The following UTRN variants were observed in gnomAD, a reference collection of about 807,000 sequenced individuals.
UTRN encodes the protein dystrophin-related protein 1.
In UTRN, 283 loss-of-function variants were observed where a neutral mutation model predicts 463.9. The ratio of observed to expected loss-of-function variants is 0.61; its 90% CI spans 0.55 to 0.67. UTRN has a LOEUF of 0.67. Ranked by LOEUF, UTRN falls within the 30% of genes least tolerant of loss-of-function variation. The pLI, the probability that UTRN is intolerant of heterozygous loss-of-function variation, is 0.00. For missense variants in UTRN, 3,922 were observed against 4,084.3 expected, an observed-to-expected ratio of 0.96 and a Z score of 1.08; for synonymous variants, 1,442 against 1,431.5, an observed-to-expected ratio of 1.01 and a Z score of -0.17.
At chr6:144,500,371 T>C (rs912355492) in intron 34 of UTRN, among the ~76,000 whole-genome samples, 2 of 152,222 alleles carry the variant, frequency 1.3e-5, no homozygotes, top group African/African-American at 4.8e-5. Context: ...GTTAGTGATG[T>C]TGAGCATTTT....
intron 58 of UTRN, among the ~76,000 whole-genome samples, chr6:144,760,766 A>C (rs961763823): frequency 6.6e-6 from 1 of 152,230 alleles, no homozygotes; most frequent in Admixed American, 6.5e-5. Context: ...CATGATTGCC[A>C]TGCAATGAGA....
intron 7 of UTRN, among the ~76,000 whole-genome samples, chr6:144,427,353 T>A (rs1252764179): frequency 1.3e-5 from 2 of 152,200 alleles, no homozygotes; most frequent in East Asian, 3.8e-4. Context: ...TCCTCTATGT[T>A]TTTTTGCTGG....
At chr6:144,494,466 C>A (rs540128385) in intron 33 of UTRN, among the ~76,000 whole-genome samples, 1 of 152,152 alleles carries the variant, frequency 6.6e-6, no homozygotes, top group Non-Finnish European at 1.5e-5. Flanking sequence ...AAAGAGTGAG[C>A]AGTAGCAAGA....
intron 2 of UTRN, among the ~76,000 whole-genome samples, chr6:144,300,149 G>T (rs1169736046): frequency 6.6e-6 from 1 of 151,364 alleles, no homozygotes. Context: ...GAGTGCAGTG[G>T]TGCCATCTCA....
At chr6:144,740,582 T>C (rs1316117292) in intron 54 of UTRN, among the ~76,000 whole-genome samples, 1 of 152,224 alleles carries the variant, frequency 6.6e-6, no homozygotes, top group East Asian at 1.9e-4. Context: ...CAGAAAAATA[T>C]AATGTTACTT....
At chr6:144,306,331 C>T (rs1805734238) in intron 2 of UTRN, among the ~76,000 whole-genome samples, 1 of 152,016 alleles carries the variant, frequency 6.6e-6, no homozygotes, top group Admixed American at 6.6e-5. Flanking sequence ...TCTGGAGGAC[C>T]TTTGGGTGGC....
At chr6:144,812,032 A>G (rs1586672458) in intron 65 of UTRN, among the ~76,000 whole-genome samples, 1 of 152,182 alleles carries the variant, frequency 6.6e-6, no homozygotes, top group Non-Finnish European at 1.5e-5. Flanking sequence ...GTAATTAACA[A>G]TTTAAATCCA....
chr6:144,585,153 A>T (rs1266119827), intron 51 of UTRN, among the ~76,000 whole-genome samples: 1 of 152,128 alleles, frequency 6.6e-6, no homozygotes, highest in Non-Finnish European at 1.5e-5. Flanking sequence ...TTCTACCGCA[A>T]ATAGGCACAA....
At chr6:144,379,327 G>A (rs1363553405) in intron 2 of UTRN, among the ~76,000 whole-genome samples, 1 of 152,140 alleles carries the variant, frequency 6.6e-6, no homozygotes, top group South Asian at 2.1e-4. Flanking sequence ...CCAGTCCAGG[G>A]TCTGTCATGA....
At chr6:144,288,843 A>C (rs1262808938) in intron 1 of UTRN, among the ~76,000 whole-genome samples, 1 of 149,844 alleles carries the variant, frequency 6.7e-6, no homozygotes, top group Non-Finnish European at 1.5e-5. Flanking sequence ...GGCCCACTGC[A>C]ACCTTTACCT....
chr6:144,440,276 T>C, intron 12 of UTRN, 76 bp from the exon 13 acceptor site: 3 of 1,493,294 alleles, frequency 2.0e-6, no homozygotes, highest in Non-Finnish European at 2.8e-6. Context: ...CCTTAATTAC[T>C]ATTGACAACT....
At position 144,474,118 on chromosome 6, in the gene UTRN, A is replaced by G. The variant is rs76661312; in HGVS notation, c.3180+285A>G. Among the ~76,000 whole-genome samples, 519 of 151,164 alleles carry G rather than the reference A, an allele frequency of 3.4e-3. 17 individuals are homozygous for G. In the East Asian group the frequency reaches 0.067, roughly 20 times the overall value. On this transcript the variant is annotated intron_variant, in intron 24 of 74. Transcript: ENST00000367545. ...TTGTATATTGCATTTCTTGTGCCAC[A>G]TGGTGAGGATTTAAGAAAAACATAT...
chr6:144,499,831 A>G (rs891140666), intron 34 of UTRN, among the ~76,000 whole-genome samples: 11 of 152,052 alleles, frequency 7.2e-5, no homozygotes, highest in African/African-American at 2.4e-4. Context: ...TGCGTACCCA[A>G]TGTTTAGCCC....
chr6:144,808,091 G>A (rs1484862388), intron 65 of UTRN, among the ~76,000 whole-genome samples: 2 of 152,092 alleles, frequency 1.3e-5, no homozygotes, highest in Non-Finnish European at 2.9e-5. Context: ...TTGGAAAATA[G>A]GGGTTTGTGT....
At chr6:144,605,395 A>T (rs1804735827) in intron 51 of UTRN, among the ~76,000 whole-genome samples, 1 of 152,086 alleles carries the variant, frequency 6.6e-6, no homozygotes. Flanking sequence ...TTAGGATAGA[A>T]TAGAACTACC....
At chr6:144,781,305 C>T (rs74800270) in intron 60 of UTRN, among the ~76,000 whole-genome samples, 2,732 of 152,216 alleles carry the variant, frequency 0.018, 43 homozygotes, top group African/African-American at 0.039. Flanking sequence ...AGAGCATCAT[C>T]GGAAGTAAAC....
rs1423395704 is a variant in UTRN, at chr6:144,690,083, T to G, written c.7653-10004T>G. Among the ~76,000 whole-genome samples, 7 of 40,406 alleles carry G rather than the reference T, an allele frequency of 1.7e-4. 1 individual carries two copies. The highest frequency in any genetic ancestry group is 3.0e-4 in the Non-Finnish European group (7 of 23,376). 26.5% of individuals were successfully genotyped at this position (40,406 alleles called of 152,430 possible). On this transcript the variant is annotated intron_variant, in intron 52 of 74. Coordinates refer to ENST00000367545, the MANE Select transcript of UTRN (RefSeq NM_007124.3). Reference sequence around the variant, plus strand: ...GCTCCCAAAAGTTTCTGTTTTTTTTTTTTTTTTTTTTTTGTGTGTGTGTGT... The same window carrying G: ...GCTCCCAAAAGTTTCTGTTTTTTTTGTTTTTTTTTTTTTGTGTGTGTGTGT...
At chr6:144,831,005 C>G (rs1460680283) in intron 69 of UTRN, among the ~76,000 whole-genome samples, 2 of 152,122 alleles carry the variant, frequency 1.3e-5, no homozygotes, top group African/African-American at 4.8e-5. Flanking sequence ...CTTGGAGAAC[C>G]TGTTAAACAT....
chr6:144,543,249 A>G, intron 46 of UTRN, among the ~76,000 whole-genome samples: 1 of 152,230 alleles, frequency 6.6e-6, no homozygotes, highest in Non-Finnish European at 1.5e-5. Context: ...TGGTTAACAT[A>G]TGTAATTAGA....
Sources: gnomAD v4.1 joint callset for allele counts (sites outside exome capture counted in the v4.1 genomes callset) on GRCh38, gnomAD v4.1.1 for gene constraint, MANE v1.5 for transcripts, NCBI Gene and HGNC (gene_info 2026-07-23, HGNC 2026-07-21) for gene names.